The following SPIRE1 variants were observed in gnomAD, a reference collection of about 807,000 sequenced individuals.
SPIRE1 encodes the protein protein spire homolog 1.
Under a neutral mutation model 94.1 loss-of-function variants are expected in SPIRE1, and 40 were observed. That is an observed-to-expected ratio of 0.43 (90% CI 0.33 to 0.55). The LOEUF (loss-of-function observed/expected upper bound fraction) is 0.55. SPIRE1 is among the 20% of genes least tolerant of loss of function. The pLI is 0.06. For missense variants in SPIRE1, 838 were observed against 975.2 expected (o/e 0.86, Z 1.87); for synonymous variants, 376 against 371.7 (o/e 1.01, Z -0.13).
chr18:12,617,941 G>A (rs1473868735), intron 2 of SPIRE1, among the ~76,000 whole-genome samples: 1 of 151,998 alleles, frequency 6.6e-6, no homozygotes, highest in Non-Finnish European at 1.5e-5. Flanking sequence ...TTAGTACAGG[G>A]TCTATAAATA....
intron 2 of SPIRE1, among the ~76,000 whole-genome samples, chr18:12,623,186 C>T (rs965044498): frequency 2.0e-5 from 3 of 151,600 alleles, no homozygotes; most frequent in African/African-American, 7.3e-5. Context: ...CAGAGTCTCG[C>T]TCTGTTGCCC....
chr18:12,569,319 C>T (rs142796393), intron 2 of SPIRE1, among the ~76,000 whole-genome samples: 2,629 of 138,760 alleles, frequency 0.019, 89 homozygotes, highest in African/African-American at 0.068. Flanking sequence ...CCTGCCTGGG[C>T]GACAGAGTGA....
chr18:12,599,672 T>C (rs2036776841), intron 2 of SPIRE1, among the ~76,000 whole-genome samples: 1 of 152,236 alleles, frequency 6.6e-6, no homozygotes, highest in South Asian at 2.1e-4. Context: ...GTTTGTCTCA[T>C]GTTTCTGCAG....
intron 6 of SPIRE1, among the ~76,000 whole-genome samples, chr18:12,501,253 T>C (rs1405643466): frequency 1.3e-5 from 2 of 151,946 alleles, no homozygotes; most frequent in African/African-American, 2.4e-5. Flanking sequence ...ACAGAAAGCA[T>C]ATTTGTGGTT....
chr18:12,586,375 G>A (rs1029371956), intron 2 of SPIRE1, among the ~76,000 whole-genome samples: 2 of 152,156 alleles, frequency 1.3e-5, no homozygotes, highest in African/African-American at 4.8e-5. Context: ...AGTTTGGTTT[G>A]TCCCATCTCT....
At chr18:12,628,712 CTCTCT>C (rs1258494392) in intron 2 of SPIRE1, among the ~76,000 whole-genome samples, 3 of 152,060 alleles carry the variant, frequency 2.0e-5, no homozygotes, top group Non-Finnish European at 4.4e-5. Flanking sequence ...GTTTGTGTCT[CTCTCT>C]TATTTTGTTG....
chr18:12,521,757 C>T (rs1201348124), intron 4 of SPIRE1, among the ~76,000 whole-genome samples: 2 of 151,742 alleles, frequency 1.3e-5, no homozygotes, highest in African/African-American at 4.9e-5. Context: ...TGGTAATTCT[C>T]ACAATATTCC....
chr18:12,514,917 A>G (rs1039294346), intron 4 of SPIRE1, among the ~76,000 whole-genome samples: 4 of 152,354 alleles, frequency 2.6e-5, no homozygotes, highest in Admixed American at 1.3e-4. Flanking sequence ...CAGGTCAACA[A>G]GATTCAACCA....
chr18:12,632,832 TACTAA>T lies in SPIRE1; in HGVS notation c.372+2225_372+2229del, dbSNP rs138895233. Among the ~76,000 whole-genome samples the T allele has an allele frequency of 2.8e-3, 422 of 152,260 alleles. 3 individuals carry two copies. The highest frequency in any genetic ancestry group is 6.8e-3 in the Middle Eastern group (2 of 294). ...AACTAATGCTTCTTTACAAAGTGAG[TACTAA>T]ACTAATGTTAAGATCATGTGGATTT... On this transcript the variant is annotated intron_variant, in intron 2 of 16. Coordinates refer to ENST00000409402, the MANE Select transcript of SPIRE1 (RefSeq NM_001128626.2).
At chr18:12,516,947 A>AGATAG (rs2034213470) in intron 4 of SPIRE1, among the ~76,000 whole-genome samples, 1 of 152,226 alleles carries the variant, frequency 6.6e-6, no homozygotes, top group Non-Finnish European at 1.5e-5. Context: ...TCTTTATAAC[A>AGATAG]TTGAAGACAA....
chr18:12,608,569 AG>A (rs1261247165), intron 2 of SPIRE1, among the ~76,000 whole-genome samples: 2 of 152,228 alleles, frequency 1.3e-5, no homozygotes, highest in Non-Finnish European at 2.9e-5. Flanking sequence ...TAAAATTACT[AG>A]ATCAAACCCA....
intron 1 of SPIRE1, among the ~76,000 whole-genome samples, chr18:12,636,551 C>CAA (rs2037934987): frequency 6.7e-6 from 1 of 150,170 alleles, no homozygotes; most frequent in Non-Finnish European, 1.5e-5. Flanking sequence ...TAAAAGAAGA[C>CAA]AACCACAACT....
intron 2 of SPIRE1, among the ~76,000 whole-genome samples, chr18:12,593,190 T>A (rs2036580962): frequency 6.6e-6 from 1 of 152,242 alleles, no homozygotes. Context: ...GCTTAAAATA[T>A]AAATTAAAAA....
chr18:12,658,080 G>T lies in SPIRE1; in HGVS notation c.-214C>A. 1.0e-6 allele frequency: 1 copy of T among 991,888 alleles called. No homozygotes were observed. Among genetic ancestry groups the T allele is most frequent in the Non-Finnish European group, 1.2e-6 (1 of 835,386 alleles). 61.4% of individuals were successfully genotyped at this position (991,888 alleles called of 1,614,324 possible). ...CGGCTGCAGTCCCGGTCAGACAGCC[G>T]CCGGCCGGTAGCGACGCGATGGCGT... On this transcript the variant is annotated 5_prime_UTR_variant, in exon 1 of 17. Coordinates refer to ENST00000409402, the MANE Select transcript of SPIRE1 (RefSeq NM_001128626.2).
At chr18:12,480,750 C>T (rs2032809713) in intron 9 of SPIRE1, among the ~76,000 whole-genome samples, 1 of 152,092 alleles carries the variant, frequency 6.6e-6, no homozygotes, top group Non-Finnish European at 1.5e-5. Context: ...CTTTTTGGTA[C>T]CATAGCCTGG....
rs2031134777 is a variant in SPIRE1, at chr18:12,449,806, C to T, written c.2103G>A (p.Val701=). 1.2e-6 allele frequency: 2 copies of T among 1,614,062 alleles called. No homozygotes were observed. The highest frequency in any genetic ancestry group is 1.7e-6 in the Non-Finnish European group (2 of 1,180,048). The part of the protein sequence containing the change: ...ELMEDWSTME[V]CVDCKKFISE... Reference sequence around the variant, plus strand: ...AAATGAACTTCTTGCAGTCCACACACACCTCCATGGTGCTCCAGTCCTCCA... The same window carrying T: ...AAATGAACTTCTTGCAGTCCACACATACCTCCATGGTGCTCCAGTCCTCCA... Residue 701 remains valine (V), a synonymous_variant, in exon 17 of 17, where the codon GTG becomes GTA. Transcript: ENST00000409402.
chr18:12,567,043 G>A (rs1012691548), intron 2 of SPIRE1, among the ~76,000 whole-genome samples: 4 of 152,054 alleles, frequency 2.6e-5, no homozygotes, highest in African/African-American at 4.8e-5. Context: ...AACTTAGTTC[G>A]CAGATGACAT....
intron 4 of SPIRE1, among the ~76,000 whole-genome samples, chr18:12,526,056 T>TACACACACACACACACAC (rs56263373): frequency 0.14 from 17,209 of 122,342 alleles, 1,659 homozygotes; most frequent in Non-Finnish European, 0.17. Context: ...ATACTGAAGA[T>TACACACACACACACACAC]ACACACACAC....
intron 3 of SPIRE1, among the ~76,000 whole-genome samples, chr18:12,544,201 T>C (rs946744410): frequency 6.6e-6 from 1 of 151,332 alleles, no homozygotes; most frequent in African/African-American, 2.4e-5. Context: ...TTTCTTTCTT[T>C]TTTTTTTTCT....
Sources: gnomAD v4.1 joint callset for allele counts (sites outside exome capture counted in the v4.1 genomes callset) on GRCh38, gnomAD v4.1.1 for gene constraint, MANE v1.5 for transcripts, NCBI Gene and HGNC (gene_info 2026-07-23, HGNC 2026-07-21) for gene names.